Variants in FAAH2 observed in about 807,000 individuals in gnomAD.
FAAH2 encodes fatty acid amide hydrolase 2.
A neutral mutation model predicts 36.9 loss-of-function variants in FAAH2; 60 were observed. The observed-to-expected ratio is 1.63, with a 90% CI of 1.32 to 2.02. The LOEUF is 2.02. Ranked by LOEUF, FAAH2 falls within the 30% of genes most tolerant of loss-of-function variation. The probability of loss-of-function intolerance (pLI) is 0.00; values close to 1 mark genes in which losing one functional copy is unlikely to be tolerated. For missense variants in FAAH2, 689 were observed against 397.5 expected (o/e 1.73, Z -6.23); for synonymous variants, 214 against 143.8 (o/e 1.49, Z -3.49).
At chrX:57,134,756 A>T in the FAAH2 span, 1 of 111,754 alleles carries the variant, frequency 8.9e-6, no homozygotes, top group Non-Finnish European at 1.9e-5. Context: ...CGCAGGACAA[A>T]TGTGAGGAGG....
chrX:57,432,062 A>C (rs1254830945), intron 8 of FAAH2, 25 bp downstream of exon 8: 1 of 1,163,599 alleles, frequency 8.6e-7, no homozygotes, highest in East Asian at 3.1e-5. Flanking sequence ...TTCTTTACTT[A>C]CTTTTTTCTT....
the FAAH2 span, among the ~76,000 whole-genome samples, chrX:57,212,664 A>G: frequency 4.4e-5 from 5 of 112,802 alleles, no homozygotes; most frequent in South Asian, 3.6e-4. Flanking sequence ...ATGCATTTAG[A>G]AAACGAATTT....
chrX:57,184,812 A>G, the FAAH2 span, among the ~76,000 whole-genome samples: 1 of 112,400 alleles, frequency 8.9e-6, no homozygotes, highest in Admixed American at 9.4e-5. Flanking sequence ...TTGGAAAGAG[A>G]AAAAGAGAAA....
the FAAH2 span, among the ~76,000 whole-genome samples, chrX:57,228,372 G>A: frequency 9.0e-6 from 1 of 110,897 alleles, no homozygotes; most frequent in South Asian, 3.9e-4. Flanking sequence ...AACTTGACTC[G>A]GCTCCAGGTA....
At chrX:57,160,899 T>C in the FAAH2 span, among the ~76,000 whole-genome samples, 1 of 112,129 alleles carries the variant, frequency 8.9e-6, no homozygotes, top group Non-Finnish European at 1.9e-5. Context: ...TGCCTTCTGC[T>C]AGCTTTTGAA....
At chrX:57,241,073 T>C in the FAAH2 span, among the ~76,000 whole-genome samples, 1 of 112,307 alleles carries the variant, frequency 8.9e-6, no homozygotes, top group African/African-American at 3.2e-5. Context: ...GCTGGAGCCC[T>C]GTCCCTGCCA....
At chrX:57,248,711 C>T in the FAAH2 span, among the ~76,000 whole-genome samples, 1 of 93,212 alleles carries the variant, frequency 1.1e-5, no homozygotes, top group South Asian at 5.6e-4. Context: ...CAAGATCACG[C>T]CATTGCACTC....
chrX:57,153,466 A>G, the FAAH2 span, among the ~76,000 whole-genome samples: 1 of 111,271 alleles, frequency 9.0e-6, no homozygotes, highest in Admixed American at 9.5e-5. Flanking sequence ...GTTCTGTGAG[A>G]TTTATGCTTT....
At chrX:57,257,837 G>C in the FAAH2 span, among the ~76,000 whole-genome samples, 1 of 111,215 alleles carries the variant, frequency 9.0e-6, no homozygotes, top group African/African-American at 3.3e-5. Flanking sequence ...AGAAATAATT[G>C]AAAATATATC....
intron 2 of FAAH2, among the ~76,000 whole-genome samples, chrX:57,299,634 G>A (rs1228733982): frequency 8.9e-6 from 1 of 111,851 alleles, no homozygotes; most frequent in Non-Finnish European, 1.9e-5. Context: ...GGAAATAAAG[G>A]ACATTCAATT....
chrX:57,274,654 C>G, the FAAH2 span, among the ~76,000 whole-genome samples: 2 of 111,729 alleles, frequency 1.8e-5, no homozygotes, highest in African/African-American at 6.5e-5. Flanking sequence ...ATGAGAAAAA[C>G]CACATGATTA....
chrX:57,334,262 T>G (rs1449138086), intron 4 of FAAH2, among the ~76,000 whole-genome samples: 6 of 9,840 alleles, frequency 6.1e-4, no homozygotes, highest in African/African-American at 8.0e-4. Context: ...AGAGGGAGAT[T>G]CCGTCTCACA....
intron 5 of FAAH2, among the ~76,000 whole-genome samples, chrX:57,342,128 G>T (rs1487357632): frequency 9.0e-6 from 1 of 111,581 alleles, no homozygotes; most frequent in African/African-American, 3.3e-5. Context: ...ATTTGATCAT[G>T]GTTTTTAGGA....
At chrX:57,394,257 G>C in intron 7 of FAAH2, 1 of 781,743 alleles carries the variant, frequency 1.3e-6, no homozygotes, top group East Asian at 3.1e-5. Flanking sequence ...TGGGCAAGAA[G>C]GGCTTGCACC....
the FAAH2 span, among the ~76,000 whole-genome samples, chrX:57,180,992 C>T: frequency 8.9e-6 from 1 of 111,827 alleles, no homozygotes. Context: ...AGTCAATAAA[C>T]ATGATTTATC....
At chrX:57,386,054 G>T (rs1245789174) in intron 7 of FAAH2, among the ~76,000 whole-genome samples, 1 of 111,668 alleles carries the variant, frequency 9.0e-6, no homozygotes, top group Non-Finnish European at 1.9e-5. Flanking sequence ...TTTTTGTAAT[G>T]CTTAATGAGG....
intron 2 of FAAH2, among the ~76,000 whole-genome samples, chrX:57,299,570 A>C (rs963756930): frequency 2.7e-5 from 3 of 111,353 alleles, no homozygotes; most frequent in African/African-American, 9.8e-5. Context: ...CTCTCTCACC[A>C]CTCCTATTCA....
the FAAH2 span, among the ~76,000 whole-genome samples, chrX:57,156,458 G>A: frequency 9.0e-6 from 1 of 111,691 alleles, no homozygotes; most frequent in Non-Finnish European, 1.9e-5. Context: ...TCAGTATCTG[G>A]GCATTGAAGA....
the FAAH2 span, among the ~76,000 whole-genome samples, chrX:57,244,160 T>C: frequency 9.3e-6 from 1 of 107,851 alleles, no homozygotes; most frequent in Non-Finnish European, 1.9e-5. Flanking sequence ...TTGAAGATCA[T>C]CATAATGAAA....
Sources: gnomAD v4.1 joint callset for allele counts (sites outside exome capture counted in the v4.1 genomes callset) on GRCh38, gnomAD v4.1.1 for gene constraint, MANE v1.5 for transcripts, NCBI Gene and HGNC (gene_info 2026-07-23, HGNC 2026-07-21) for gene names.